Variants in MTDH observed in about 807,000 individuals in gnomAD.
MTDH encodes the protein metadherin, also known as protein LYRIC.
MTDH carries 34 observed loss-of-function variants against 72.7 expected under a neutral mutation model. The observed-to-expected ratio is 0.47, with a 90% CI of 0.36 to 0.62. The LOEUF (loss-of-function observed/expected upper bound fraction) is 0.62, where lower values mean the gene tolerates loss of function less well. Ranked by LOEUF, MTDH falls within the 20% of genes least tolerant of loss-of-function variation. MTDH has a pLI of 0.00. For missense variants in MTDH, 677 were observed against 699.4 expected (o/e 0.97, Z 0.36); for synonymous variants, 266 against 268.9 (o/e 0.99, Z 0.10).
At chr8:97,706,771 G>A in intron 8 of MTDH, 21 bp downstream of exon 8, 2 of 1,606,066 alleles carry the variant, frequency 1.2e-6, no homozygotes, top group Non-Finnish European at 1.7e-6. Flanking sequence ...GAGATTCCTG[G>A]GTGTTTATTT....
intron 1 of MTDH, among the ~76,000 whole-genome samples, chr8:97,651,939 TC>T (rs1811787994): frequency 6.6e-6 from 1 of 152,186 alleles, no homozygotes; most frequent in African/African-American, 2.4e-5. Context: ...AGAAGAATCA[TC>T]CTTGATTCTA....
chr8:97,719,392 C>T (rs1252290125), intron 10 of MTDH, among the ~76,000 whole-genome samples: 1 of 149,960 alleles, frequency 6.7e-6, no homozygotes, highest in African/African-American at 2.5e-5. Context: ...ACTTAGGAGG[C>T]TGAGGCAGGA....
At chr8:97,672,304 C>G (rs564093905) in intron 2 of MTDH, among the ~76,000 whole-genome samples, 1 of 152,194 alleles carries the variant, frequency 6.6e-6, no homozygotes, top group African/African-American at 2.4e-5. Flanking sequence ...TTTTTTCCCC[C>G]TTCCTGAACC....
chr8:97,696,118 A>C, intron 6 of MTDH: 1 of 401,124 alleles, frequency 2.5e-6, no homozygotes, highest in African/African-American at 2.2e-5. Context: ...GGTTATCTTT[A>C]AATAGTCTCA....
At chr8:97,691,624 A>G (rs1435693013) in intron 6 of MTDH, among the ~76,000 whole-genome samples, 1 of 152,186 alleles carries the variant, frequency 6.6e-6, no homozygotes, top group Non-Finnish European at 1.5e-5. Flanking sequence ...GGATTTTAAT[A>G]TAAAGACCAG....
chr8:97,654,993 G>A (rs1331369958), intron 1 of MTDH, among the ~76,000 whole-genome samples: 2 of 152,156 alleles, frequency 1.3e-5, no homozygotes, highest in Non-Finnish European at 1.5e-5. Flanking sequence ...TTGGGAGGCT[G>A]AGGTGGGAAG....
At chr8:97,655,581 G>T (rs892011717) in intron 1 of MTDH, among the ~76,000 whole-genome samples, 1 of 152,194 alleles carries the variant, frequency 6.6e-6, no homozygotes, top group African/African-American at 2.4e-5. Flanking sequence ...ATTCATCTGA[G>T]CTTGTTAATA....
intron 1 of MTDH, among the ~76,000 whole-genome samples, chr8:97,653,885 A>C (rs1811867536): frequency 6.6e-6 from 1 of 152,218 alleles, no homozygotes; most frequent in Non-Finnish European, 1.5e-5. Flanking sequence ...TTCTTCTAAG[A>C]AAGAATTATA....
intron 2 of MTDH, 27 bp downstream of exon 2, chr8:97,661,200 A>T: frequency 6.7e-7 from 1 of 1,482,784 alleles, no homozygotes; most frequent in Non-Finnish European, 9.3e-7. Context: ...ATGAAATTGT[A>T]TGCAAGACTC....
In MTDH at chr8:97,661,155, T is replaced by C. The variant is rs529323098; in HGVS notation, c.465T>C (p.Ile155=). 26 of 1,611,330 alleles carry C rather than the reference T, an allele frequency of 1.6e-5. No homozygotes were observed. In the African/African-American group the frequency reaches 3.2e-4, roughly 20 times the overall value. ...QSVTAKQPPE[I]DKKNEKSKKN... ...TAACAGCAAAGCAGCCACCAGAGAT[T>C]GACAAGAAAAATGAAAAGGTAAGTT... Residue 155 remains isoleucine (I), a synonymous_variant, in exon 2 of 12, where the codon ATT becomes ATC. Coordinates refer to ENST00000336273, the MANE Select transcript of MTDH (RefSeq NM_178812.4).
chr8:97,695,303 A>G (rs974803331), intron 6 of MTDH, among the ~76,000 whole-genome samples: 1 of 151,970 alleles, frequency 6.6e-6, no homozygotes, highest in Non-Finnish European at 1.5e-5. Flanking sequence ...TAGTAGAAAT[A>G]GGCTCTCACC....
intron 1 of MTDH, among the ~76,000 whole-genome samples, chr8:97,658,047 G>A (rs867428436): frequency 3.9e-5 from 6 of 152,152 alleles, no homozygotes; most frequent in Non-Finnish European, 8.8e-5. Context: ...TCACCTCAGT[G>A]TATTCTTTTT....
At chr8:97,679,402 G>T (rs1675272325) in intron 2 of MTDH, among the ~76,000 whole-genome samples, 1 of 152,090 alleles carries the variant, frequency 6.6e-6, no homozygotes. Context: ...CTGATCTACA[G>T]TTCAATACAG....
At position 97,729,593 on chromosome 8, in the gene MTDH, G is replaced by A. The variant is rs1815482450; in HGVS notation, c.*4923G>A. ...GTTCTTCCAGCTGAGCAGAAATTTG[G>A]AAGGCTATTCAGTGCTGCTTAGTGT... On this transcript the variant is annotated 3_prime_UTR_variant, in exon 12 of 12. Coordinates refer to ENST00000336273, the MANE Select transcript of MTDH (RefSeq NM_178812.4). 6.6e-6 allele frequency among the ~76,000 whole-genome samples: 1 copy of A among 152,166 alleles called. No individual in the cohort carries two copies. The highest frequency in any genetic ancestry group is 6.5e-5 in the Admixed American group (1 of 15,274).
chr8:97,665,451 TA>T, intron 2 of MTDH, among the ~76,000 whole-genome samples: 1 of 152,290 alleles, frequency 6.6e-6, no homozygotes, highest in South Asian at 2.1e-4. Flanking sequence ...ATGTAAGATG[TA>T]CTTACCCTCA....
In MTDH at chr8:97,656,390, C is replaced by T. The variant is rs371558850; in HGVS notation, c.382-4682C>T. Reference sequence around the variant, plus strand: ...CGCGATCTCAGCTCACTGCAACCTCCGCATCCCAGGTTCAAGTGCTTCTCC... The same window carrying T: ...CGCGATCTCAGCTCACTGCAACCTCTGCATCCCAGGTTCAAGTGCTTCTCC... On this transcript the variant is annotated intron_variant, in intron 1 of 11. Transcript: ENST00000336273. Among the ~76,000 whole-genome samples the T allele has an allele frequency of 2.7e-5, 4 of 150,526 alleles. 1 individual carries two copies. The highest frequency in any genetic ancestry group is 2.4e-5 in the African/African-American group (1 of 40,974).
chr8:97,649,442 C>T (rs867428963), intron 1 of MTDH, among the ~76,000 whole-genome samples: 14 of 152,270 alleles, frequency 9.2e-5, no homozygotes, highest in Middle Eastern at 3.4e-3. Flanking sequence ...TCAGTAGTTT[C>T]CCCATCACCT....
In MTDH at chr8:97,699,736, A is replaced by C. The variant is rs765847397; in HGVS notation, c.1049-18A>C. The C allele has an allele frequency of 5.3e-6, 8 of 1,496,260 alleles. No homozygotes were observed. The highest frequency in any genetic ancestry group is 6.5e-6 in the Non-Finnish European group (7 of 1,074,436). The allele number at this position is 1,496,260 out of a possible 1,614,324, so 92.7% of individuals were successfully genotyped here. A position where few individuals can be genotyped will look rare whatever the true frequency, so the allele number is the denominator to read the frequency against. On this transcript the variant is annotated intron_variant, in intron 6 of 11. Coordinates refer to ENST00000336273, the MANE Select transcript of MTDH (RefSeq NM_178812.4). Reference sequence around the variant, plus strand: ...GAAATTCCATTTTTAATTTTATTGCATTCGTTTTTCATTTAAGGGTCTACT... The same window carrying C: ...GAAATTCCATTTTTAATTTTATTGCCTTCGTTTTTCATTTAAGGGTCTACT...
rs1295194957 is a variant in MTDH at position 97,684,033 on chromosome 8, C to T, written c.484-2635C>T. 7.9e-5 allele frequency among the ~76,000 whole-genome samples: 12 copies of T among 151,730 alleles called. No homozygotes were observed. The South Asian group carries it at 2.5e-3, about 32-fold the overall frequency. ...GGCTGAGGCAGGAGAATCGCTTGAACCCAGGAGGCAGGAGAATCGCTTGAA... is the reference window on the plus strand; with the variant it reads ...GGCTGAGGCAGGAGAATCGCTTGAATCCAGGAGGCAGGAGAATCGCTTGAA... On this transcript the variant is annotated intron_variant, in intron 2 of 11. Transcript: ENST00000336273.
Sources: allele counts gnomAD v4.1 joint callset (sites outside exome capture counted in the v4.1 genomes callset), GRCh38; gene constraint gnomAD v4.1.1; transcripts MANE v1.5; gene names NCBI Gene and HGNC (gene_info 2026-07-23, HGNC 2026-07-21).